Variants in SPIRE2 observed in about 807,000 individuals in gnomAD.
SPIRE2 encodes the protein protein spire homolog 2.
Under a neutral mutation model 80.7 loss-of-function variants are expected in SPIRE2, and 76 were observed. That is an observed-to-expected ratio of 0.94 (90% CI 0.78 to 1.14). The LOEUF (loss-of-function observed/expected upper bound fraction) is 1.14. Among genes scored for constraint, SPIRE2 ranks in the 50% most tolerant of loss-of-function variants. The pLI, the probability that SPIRE2 is intolerant of heterozygous loss-of-function variation, is 0.00. For missense variants in SPIRE2, 1,196 were observed against 1,015.3 expected (o/e 1.18, Z -2.42); for synonymous variants, 535 against 432.6 (o/e 1.24, Z -2.94).
At chr16:89,850,083 G>A (rs1017026644) in intron 2 of SPIRE2, 22 of 672,548 alleles carry the variant, frequency 3.3e-5, no homozygotes, top group Admixed American at 1.0e-4. Context: ...TGATCCGCCC[G>A]CCTCGGCCTC....
rs71137682 is a variant in SPIRE2, at chr16:89,842,208, A to ATTT, written c.245-3094_245-3092dup. On this transcript the variant is annotated intron_variant, in intron 1 of 14. Transcript: ENST00000378247. ...ATACAATTAGATTCATGAACACGTAATTTTTTTTTTTTTTTTTTTTTTGTG... is the reference window on the plus strand; with the variant it reads ...ATACAATTAGATTCATGAACACGTAATTTTTTTTTTTTTTTTTTTTTTTTTGTG... Among the ~76,000 whole-genome samples, 284 of 81,282 alleles carry ATTT rather than the reference A, an allele frequency of 3.5e-3. 16 individuals are homozygous for ATTT. Among genetic ancestry groups the ATTT allele is most frequent in the African/African-American group, 6.6e-3 (108 of 16,336 alleles). 53.3% of individuals were successfully genotyped at this position (81,282 alleles called of 152,430 possible). A position where few individuals can be genotyped will look rare whatever the true frequency, so the allele number is the denominator to read the frequency against.
rs186004198 is a variant in SPIRE2, at chr16:89,868,642, G to A, written c.1806+426G>A. Reference sequence around the variant, plus strand: ...ATTTTGGGAGGCCAGTGAGGCTGGCGGACCACTTGAGACCAGCCTGGCCAA... The same window carrying A: ...ATTTTGGGAGGCCAGTGAGGCTGGCAGACCACTTGAGACCAGCCTGGCCAA... On this transcript the variant is annotated intron_variant, in intron 13 of 14. Coordinates refer to ENST00000378247, the MANE Select transcript of SPIRE2 (RefSeq NM_032451.2). Among the ~76,000 whole-genome samples, 14 of 151,880 alleles carry A rather than the reference G, an allele frequency of 9.2e-5. No homozygotes were observed. In the East Asian group the frequency reaches 1.2e-3, roughly 13 times the overall value.
rs1260908903 is a variant in SPIRE2, at chr16:89,854,542, A to T, written c.782A>T (p.Lys261Met). 2 of 1,612,788 alleles carry T rather than the reference A, an allele frequency of 1.2e-6. No homozygotes were observed. Among genetic ancestry groups the T allele is most frequent in the South Asian group, 2.2e-5 (2 of 91,092 alleles). ...RELRRGVKLK[K>M]VQEQEFNPLP... Reference sequence around the variant, plus strand: ...CTCCGCCGCGGAGTGAAGCTGAAGAAGGTGCAAGAGCAGGAGTTCAACCCC... The same window carrying T: ...CTCCGCCGCGGAGTGAAGCTGAAGATGGTGCAAGAGCAGGAGTTCAACCCC... The change falls in exon 5 of 15, where the codon AAG becomes ATG. Residue 261 changes from lysine to methionine, a missense_variant. Lys to Met is a moderately conservative substitution (Grantham distance 95, BLOSUM62 -1). Transcript: ENST00000378247.
intron 1 of SPIRE2, among the ~76,000 whole-genome samples, chr16:89,829,511 C>CG (rs1258589992): frequency 6.6e-6 from 1 of 152,160 alleles, no homozygotes; most frequent in Admixed American, 6.5e-5. Flanking sequence ...GGTACCCTGC[C>CG]GGGGGGCAGA....
At chr16:89,838,768 A>T (rs1169981164) in intron 1 of SPIRE2, among the ~76,000 whole-genome samples, 1 of 152,148 alleles carries the variant, frequency 6.6e-6, no homozygotes, top group Non-Finnish European at 1.5e-5. Context: ...AGTGTTTTTC[A>T]TCTGTGCAGC....
intron 1 of SPIRE2, among the ~76,000 whole-genome samples, chr16:89,833,013 C>G (rs1444221843): frequency 7.2e-6 from 1 of 137,936 alleles, no homozygotes; most frequent in Non-Finnish European, 1.5e-5. Context: ...TTTTGTGAGA[C>G]AGAGTTTCGC....
Position 89,858,443 on chromosome 16 carries a change from C to T in SPIRE2, c.1208C>T (p.Pro403Leu), listed in dbSNP as rs149542129. Residue 403 changes from proline (P) to leucine (L), a missense_variant, in exon 8 of 15, where the codon CCG becomes CTG. Transcript: ENST00000378247. The stretch of plus-strand genomic sequence containing the variant: ...GATGCTGGGGGCAGCGCCCAGCGCC[C>T]GCGGCCCCGCGTGCTGCTCAAGGCG... ...VTDAGGSAQR[P>L]RPRVLLKAPT... 52 of 1,611,366 alleles carry T rather than the reference C, an allele frequency of 3.2e-5. No individual in the cohort carries two copies. The African/African-American group carries it at 6.7e-4, about 21-fold the overall frequency.
intron 7 of SPIRE2, among the ~76,000 whole-genome samples, chr16:89,857,970 C>A (rs1443705580): frequency 6.7e-6 from 1 of 149,180 alleles, no homozygotes; most frequent in East Asian, 2.0e-4. Context: ...GCAAGCTCTA[C>A]CTCCTGGGTT....
chr16:89,850,141 C>A, intron 2 of SPIRE2, 163 bp from the exon 3 acceptor site: 1 of 732,988 alleles, frequency 1.4e-6, no homozygotes, highest in Non-Finnish European at 2.4e-6. Flanking sequence ...CGGCCGGGAA[C>A]ATCCTTTTCA....
intron 5 of SPIRE2, among the ~76,000 whole-genome samples, chr16:89,854,987 G>T (rs945552785): frequency 6.6e-6 from 1 of 151,948 alleles, no homozygotes; most frequent in African/African-American, 2.4e-5. Flanking sequence ...CGCCCAGGCT[G>T]GAGGGCAATG....
intron 7 of SPIRE2, among the ~76,000 whole-genome samples, chr16:89,856,980 T>C (rs766973258): frequency 1.2e-4 from 18 of 150,906 alleles, no homozygotes; most frequent in Non-Finnish European, 2.5e-4. Context: ...GTGGGAGGAT[T>C]GCTTGAACCT....
chr16:89,855,701 T>A lies in SPIRE2; in HGVS notation c.978+15T>A. On this transcript the variant is annotated intron_variant, in intron 6 of 14. Transcript: ENST00000378247. ...CACTGAAGCAGGTGCTGCCCCAGCC[T>A]CCTCCTCCTCAGGGGCCGCCCGGGG... 6.2e-7 allele frequency: 1 copy of A among 1,610,200 alleles called. No individual in the cohort carries two copies. Among genetic ancestry groups the A allele is most frequent in the Non-Finnish European group, 8.5e-7 (1 of 1,178,086 alleles).
intron 1 of SPIRE2, among the ~76,000 whole-genome samples, chr16:89,838,473 C>T (rs1346371420): frequency 6.6e-6 from 1 of 151,566 alleles, no homozygotes; most frequent in Non-Finnish European, 1.5e-5. Context: ...CGTGAGCCAC[C>T]GTCCCCAGCC....
chr16:89,839,373 C>CAA (rs537824236), intron 1 of SPIRE2, among the ~76,000 whole-genome samples: 3,778 of 123,398 alleles, frequency 0.031, 82 homozygotes, highest in Middle Eastern at 0.061. Flanking sequence ...GACTCCATCT[C>CAA]AAAAAAAAAA....
At chr16:89,857,901 G>A (rs1456847266) in intron 7 of SPIRE2, among the ~76,000 whole-genome samples, 45 of 30,934 alleles carry the variant, frequency 1.5e-3, no homozygotes, top group Middle Eastern at 0.022. Flanking sequence ...TTTTTTTTTT[G>A]AGACAGAGTC....
At chr16:89,847,839 T>G (rs112005414) in intron 2 of SPIRE2, among the ~76,000 whole-genome samples, 1,607 of 152,266 alleles carry the variant, frequency 0.011, 36 homozygotes, top group African/African-American at 0.037. Flanking sequence ...ACAGAAGAGC[T>G]TTTATGGACG....
chr16:89,863,213 G>C lies in SPIRE2; in HGVS notation c.1576-263G>C. On this transcript the variant is annotated intron_variant, in intron 10 of 14. Transcript: ENST00000378247. This position sits in a 1 kb window ranked among gnomAD's most constrained non-coding sequence, Gnocchi z 4.3. The stretch of plus-strand genomic sequence containing the variant: ...GACACCTTGAACAGACATGGGCTGA[G>C]GGGAGTTTGTGTGGAGCGTGGCCAG... 1.9e-6 allele frequency: 1 copy of C among 532,380 alleles called. No homozygotes were observed. The highest frequency in any genetic ancestry group is 3.4e-6 in the Non-Finnish European group (1 of 294,614). 33.0% of individuals were successfully genotyped at this position (532,380 alleles called of 1,614,324 possible). A position where few individuals can be genotyped will look rare whatever the true frequency, so the allele number is the denominator to read the frequency against.
rs962539494 is a variant in SPIRE2, at chr16:89,850,619, G to C, written c.604G>C (p.Glu202Gln). Residue 202 changes from glutamate (E) to glutamine (Q), a missense_variant, in exon 3 of 15, where the codon GAG becomes CAG. Glu to Gln is a conservative substitution (Grantham distance 29). Coordinates refer to ENST00000378247, the MANE Select transcript of SPIRE2 (RefSeq NM_032451.2). ...VCRALFVETL[E>Q]LRAFLARVRE... Reference sequence around the variant, plus strand: ...CCGCGCGCTCTTCGTGGAGACGCTGGAGCTGCGGGCCTTCCTGGCCAGGGT... The same window carrying C: ...CCGCGCGCTCTTCGTGGAGACGCTGCAGCTGCGGGCCTTCCTGGCCAGGGT... 9.8e-5 allele frequency: 148 copies of C among 1,515,478 alleles called. No individual in the cohort carries two copies. Among genetic ancestry groups the C allele is most frequent in the Non-Finnish European group, 1.3e-4 (147 of 1,138,114 alleles). 93.9% of individuals were successfully genotyped at this position (1,515,478 alleles called of 1,614,324 possible).
At position 89,863,546 on chromosome 16, in the gene SPIRE2, TG is replaced by T; in HGVS notation, c.1647del (p.Lys550ArgfsTer17). 3 of 1,614,010 alleles carry T rather than the reference TG, an allele frequency of 1.9e-6. No homozygotes were observed. Among genetic ancestry groups the T allele is most frequent in the Non-Finnish European group, 2.5e-6 (3 of 1,180,018 alleles). ...GTGATGGACGTGCGCCGTGTGCTGG[TG>T]AAGGCCGAGATGGAAAAGTTTTTGC... ...EEVMDVRRVL[V>X]KAEMEKFLQN... On this transcript the variant is annotated frameshift_variant, in exon 11 of 15. Coordinates refer to ENST00000378247, the MANE Select transcript of SPIRE2 (RefSeq NM_032451.2). LOFTEE classifies it high-confidence loss of function. This position sits in a 1 kb window ranked among gnomAD's most constrained non-coding sequence, Gnocchi z 4.3.
Sources: allele counts gnomAD v4.1 joint callset (sites outside exome capture counted in the v4.1 genomes callset), GRCh38; gene constraint gnomAD v4.1.1; non-coding constraint Gnocchi (gnomAD v3.1); transcripts MANE v1.5; gene names NCBI Gene and HGNC (gene_info 2026-07-23, HGNC 2026-07-21).